The following ZBTB20 variants were observed in gnomAD, a reference collection of about 807,000 sequenced individuals.
The protein encoded by ZBTB20 is zinc finger and BTB domain-containing protein 20.
Under a neutral mutation model 56.9 loss-of-function variants are expected in ZBTB20, and 9 were observed. That is an observed-to-expected ratio of 0.16 (90% CI 0.10 to 0.28). ZBTB20 has a LOEUF of 0.28. Ranked by LOEUF, ZBTB20 falls within the 10% of genes least tolerant of loss-of-function variation. ZBTB20 has a pLI of 1.00. For synonymous variants in ZBTB20, 417 were observed against 420.7 expected (o/e 0.99, Z 0.11); for missense variants, 655 against 1,003.0 (o/e 0.65, Z 4.69).
intron 11 of ZBTB20, among the ~76,000 whole-genome samples, chr3:114,341,773 T>G (rs554740998): frequency 5.3e-4 from 81 of 152,360 alleles, no homozygotes; most frequent in South Asian, 3.1e-3. Flanking sequence ...TCATTTTCTG[T>G]ATGTGAAGAG....
intron 10 of ZBTB20, among the ~76,000 whole-genome samples, chr3:114,376,142 A>G (rs1459307011): frequency 1.3e-5 from 2 of 152,258 alleles, no homozygotes; most frequent in African/African-American, 4.8e-5. Context: ...TAGAGCTATA[A>G]TAGTCTTCCG....
At chr3:114,706,815 G>A (rs2063746487) in intron 5 of ZBTB20, among the ~76,000 whole-genome samples, 2 of 152,038 alleles carry the variant, frequency 1.3e-5, no homozygotes, top group Non-Finnish European at 2.9e-5. Flanking sequence ...TTAGGTCACG[G>A]TTTCAGGTTA....
intron 1 of ZBTB20, among the ~76,000 whole-genome samples, chr3:115,109,411 C>T (rs938193618): frequency 2.6e-5 from 4 of 152,088 alleles, no homozygotes; most frequent in African/African-American, 9.7e-5. Flanking sequence ...CATATCTTTC[C>T]AAAATACAAA....
chr3:114,689,274 C>T (rs1423593425), intron 6 of ZBTB20, among the ~76,000 whole-genome samples: 1 of 152,116 alleles, frequency 6.6e-6, no homozygotes, highest in African/African-American at 2.4e-5. Context: ...AATATGTCAG[C>T]TTCATTAAAC....
intron 7 of ZBTB20, among the ~76,000 whole-genome samples, chr3:114,399,132 C>T (rs1008432125): frequency 2.0e-5 from 3 of 152,004 alleles, no homozygotes; most frequent in Non-Finnish European, 4.4e-5. Context: ...AGTGGGCCTA[C>T]GACTAGAAGT....
chr3:114,871,938 C>G (rs2076026819), intron 4 of ZBTB20, among the ~76,000 whole-genome samples: 1 of 152,072 alleles, frequency 6.6e-6, no homozygotes, highest in Admixed American at 6.6e-5. Flanking sequence ...GTTTCTGTCT[C>G]CTGGTCCCAG....
At chr3:115,074,471 CTACACTG>C in intron 1 of ZBTB20, among the ~76,000 whole-genome samples, 1 of 152,110 alleles carries the variant, frequency 6.6e-6, no homozygotes, top group East Asian at 1.9e-4. Flanking sequence ...AGGTAACTAA[CTACACTG>C]TGCTACTAGA....
chr3:115,032,196 T>A (rs963185039), intron 2 of ZBTB20, among the ~76,000 whole-genome samples: 1 of 151,416 alleles, frequency 6.6e-6, no homozygotes, highest in African/African-American at 2.4e-5. Flanking sequence ...TTATGTAATA[T>A]GGTCCAGATT....
intron 3 of ZBTB20, among the ~76,000 whole-genome samples, chr3:114,937,056 T>C (rs2076559078): frequency 6.6e-6 from 1 of 152,206 alleles, no homozygotes. Context: ...TTTGTTATTG[T>C]GAATAGCGCT....
chr3:114,565,507 G>C (rs1207472704), intron 6 of ZBTB20, among the ~76,000 whole-genome samples: 1 of 152,096 alleles, frequency 6.6e-6, no homozygotes, highest in Non-Finnish European at 1.5e-5. Flanking sequence ...TTCTTCATTA[G>C]CTTTTTCTCC....
chr3:114,712,321 C>A (rs2064137857), intron 5 of ZBTB20, among the ~76,000 whole-genome samples: 1 of 152,104 alleles, frequency 6.6e-6, no homozygotes, highest in African/African-American at 2.4e-5. Flanking sequence ...ACCTCTCTTA[C>A]AGTTATATAA....
intron 6 of ZBTB20, among the ~76,000 whole-genome samples, chr3:114,587,469 A>G (rs956677767): frequency 1.1e-4 from 17 of 152,226 alleles, no homozygotes; most frequent in Non-Finnish European, 2.1e-4. Flanking sequence ...AGAGAATGTT[A>G]CAGAAAGCGA....
At chr3:114,567,640 A>G (rs887217688) in intron 6 of ZBTB20, among the ~76,000 whole-genome samples, 1 of 152,090 alleles carries the variant, frequency 6.6e-6, no homozygotes, top group African/African-American at 2.4e-5. Flanking sequence ...TTATTCCTTC[A>G]GTCTCACCAA....
intron 5 of ZBTB20, among the ~76,000 whole-genome samples, chr3:114,793,022 C>A (rs942438274): frequency 2.0e-5 from 3 of 151,800 alleles, no homozygotes; most frequent in Middle Eastern, 3.4e-3. Flanking sequence ...ATTTCAGGAA[C>A]CTGCCACCAT....
chr3:114,942,340 A>C (rs2076748773), intron 3 of ZBTB20, among the ~76,000 whole-genome samples: 1 of 146,058 alleles, frequency 6.8e-6, no homozygotes. Context: ...ATTCAAATAA[A>C]GATTAATCAA....
At chr3:114,897,135 C>A (rs1286107405) in intron 4 of ZBTB20, among the ~76,000 whole-genome samples, 1 of 152,112 alleles carries the variant, frequency 6.6e-6, no homozygotes, top group Non-Finnish European at 1.5e-5. Context: ...ACAACAGATA[C>A]TATTATTTTC....
At chr3:114,835,461 G>A (rs1436956883) in intron 4 of ZBTB20, among the ~76,000 whole-genome samples, 1 of 152,042 alleles carries the variant, frequency 6.6e-6, no homozygotes, top group Non-Finnish European at 1.5e-5. Context: ...CTGTGAGTTT[G>A]TGGCATTATG....
intron 4 of ZBTB20, among the ~76,000 whole-genome samples, chr3:114,819,975 C>T (rs996012756): frequency 2.0e-5 from 3 of 151,746 alleles, no homozygotes; most frequent in African/African-American, 7.2e-5. Flanking sequence ...ATTTTGCCTG[C>T]AATTTGTCAT....
At chr3:114,651,715 A>G (rs1287246376) in intron 6 of ZBTB20, among the ~76,000 whole-genome samples, 1 of 152,094 alleles carries the variant, frequency 6.6e-6, no homozygotes, top group Non-Finnish European at 1.5e-5. Context: ...TATATTTAGA[A>G]AGCAGTATCA....
Sources: allele counts gnomAD v4.1 joint callset (sites outside exome capture counted in the v4.1 genomes callset), GRCh38; gene constraint gnomAD v4.1.1; transcripts MANE v1.5; gene names NCBI Gene and HGNC (gene_info 2026-07-23, HGNC 2026-07-21).